Variants in DCDC2 observed in about 807,000 individuals in gnomAD.
DCDC2 encodes doublecortin domain-containing protein 2.
In DCDC2, 40 loss-of-function variants were observed where a neutral mutation model predicts 50.2. That is an observed-to-expected ratio of 0.80 (90% confidence interval 0.62 to 1.04). DCDC2 has a LOEUF of 1.04. Among genes scored for constraint, DCDC2 ranks in the 50% least tolerant of loss-of-function variants. The pLI is 0.00. For missense variants in DCDC2, 570 were observed against 581.9 expected, an observed-to-expected ratio of 0.98 and a Z score of 0.21; for synonymous variants, 234 against 210.6, an observed-to-expected ratio of 1.11 and a Z score of -0.96.
chr6:24,337,631 C>CA (rs963561557), intron 2 of DCDC2, among the ~76,000 whole-genome samples: 8 of 151,544 alleles, frequency 5.3e-5, no homozygotes, highest in Non-Finnish European at 1.0e-4. Context: ...CCATCTCTAC[C>CA]AAAAAAATAT....
intron 6 of DCDC2, among the ~76,000 whole-genome samples, chr6:24,283,000 CATA>C (rs3840135): frequency 0.12 from 18,098 of 152,116 alleles, 1,068 homozygotes; most frequent in East Asian, 0.17. Flanking sequence ...CCGTAGAAAT[CATA>C]ATATTTGATC....
At position 24,214,044 on chromosome 6, in the gene DCDC2, CAAG is replaced by C. The variant is rs779905394; in HGVS notation, c.923-8945_923-8943del. Among the ~76,000 whole-genome samples the C allele has an allele frequency of 2.0e-5, 3 of 152,212 alleles. No individual in the cohort carries two copies. The South Asian group carries it at 6.2e-4, about 32-fold the overall frequency. On this transcript the variant is annotated intron_variant, in intron 7 of 9. Transcript: ENST00000378454. Reference sequence around the variant, plus strand: ...CTCAAATGGAAGCTCTTTACAGAAACAAGAATATCACAAGTCATATTTTTCTCT... The same window carrying C: ...CTCAAATGGAAGCTCTTTACAGAAACAATATCACAAGTCATATTTTTCTCT...
intron 7 of DCDC2, among the ~76,000 whole-genome samples, chr6:24,228,250 A>G (rs1762272215): frequency 6.6e-6 from 1 of 152,370 alleles, no homozygotes; most frequent in South Asian, 2.1e-4. Context: ...GCAAAAGGTT[A>G]CAGCAAATTT....
chr6:24,207,290 GACACACAC>G (rs145473567), intron 7 of DCDC2, among the ~76,000 whole-genome samples: 6 of 95,946 alleles, frequency 6.3e-5, no homozygotes, highest in Non-Finnish European at 1.3e-4. Flanking sequence ...CTCTCTCTCA[GACACACAC>G]ACACACACAG....
intron 2 of DCDC2, among the ~76,000 whole-genome samples, chr6:24,322,187 A>T (rs966791932): frequency 6.6e-6 from 1 of 152,140 alleles, no homozygotes; most frequent in African/African-American, 2.4e-5. Context: ...CTGAACAGGG[A>T]ACATAATTTC....
chr6:24,338,887 G>A (rs532466201), intron 2 of DCDC2, among the ~76,000 whole-genome samples: 21 of 152,042 alleles, frequency 1.4e-4, no homozygotes, highest in African/African-American at 3.9e-4. Context: ...CAGGTGATCC[G>A]CCCACCTCAG....
the DCDC2 span, among the ~76,000 whole-genome samples, chr6:24,379,025 C>T: frequency 2.0e-5 from 3 of 147,996 alleles, no homozygotes; most frequent in Admixed American, 2.0e-4. Flanking sequence ...CCCTTCCTTA[C>T]ACCATACACA....
At chr6:24,231,903 A>G (rs1762343160) in intron 7 of DCDC2, among the ~76,000 whole-genome samples, 2 of 152,086 alleles carry the variant, frequency 1.3e-5, no homozygotes, top group African/African-American at 4.8e-5. Flanking sequence ...AGTAGCTCTC[A>G]GGCAGAGAGA....
At chr6:24,212,954 A>T (rs1044435250) in intron 7 of DCDC2, among the ~76,000 whole-genome samples, 2 of 152,216 alleles carry the variant, frequency 1.3e-5, no homozygotes, top group Admixed American at 6.5e-5. Context: ...CTTTTCTGCA[A>T]CTAGGACAGC....
chr6:24,332,166 G>A (rs1759976417), intron 2 of DCDC2, among the ~76,000 whole-genome samples: 1 of 152,104 alleles, frequency 6.6e-6, no homozygotes, highest in African/African-American at 2.4e-5. Context: ...CAATATTTCT[G>A]GCTCACATTC....
intron 7 of DCDC2, among the ~76,000 whole-genome samples, chr6:24,220,919 C>CGAGCGAGCGAGAGAGTGAGCGAGA (rs1561895651): frequency 4.6e-5 from 2 of 43,608 alleles, no homozygotes; most frequent in Non-Finnish European, 1.1e-4. Context: ...AGTGAGCGAG[C>CGAGCGAGCGAGAGAGTGAGCGAGA]GAGCGAGAGC....
At chr6:24,229,781 T>C (rs1762301877) in intron 7 of DCDC2, among the ~76,000 whole-genome samples, 1 of 152,212 alleles carries the variant, frequency 6.6e-6, no homozygotes, top group South Asian at 2.1e-4. Context: ...TATTTTATAC[T>C]CACTTCCTTC....
intron 8 of DCDC2, among the ~76,000 whole-genome samples, chr6:24,196,766 G>A (rs1272698798): frequency 2.0e-5 from 3 of 152,088 alleles, no homozygotes; most frequent in Non-Finnish European, 2.9e-5. Context: ...ATAATTAAAC[G>A]AAAGAAATAA....
intron 7 of DCDC2, among the ~76,000 whole-genome samples, chr6:24,238,053 T>C (rs769366023): frequency 2.6e-5 from 3 of 117,106 alleles, no homozygotes; most frequent in Non-Finnish European, 5.1e-5. Flanking sequence ...AACCTGCACA[T>C]GTGCACCTGA....
At chr6:24,379,838 C>T in the DCDC2 span, among the ~76,000 whole-genome samples, 3 of 152,152 alleles carry the variant, frequency 2.0e-5, no homozygotes, top group African/African-American at 7.2e-5. Flanking sequence ...GGCACATATA[C>T]ACCATGGAAT....
the DCDC2 span, among the ~76,000 whole-genome samples, chr6:24,378,956 G>GAAAA: frequency 5.9e-5 from 4 of 67,424 alleles, no homozygotes; most frequent in African/African-American, 1.7e-4. Context: ...GTCTCATTTG[G>GAAAA]AAAAAAAAAA....
At chr6:24,275,847 C>CA (rs1419682803) in intron 7 of DCDC2, among the ~76,000 whole-genome samples, 2 of 143,454 alleles carry the variant, frequency 1.4e-5, no homozygotes, top group Non-Finnish European at 3.0e-5. Flanking sequence ...TCTACAAAAG[C>CA]AAAAATGCCA....
Position 24,193,412 on chromosome 6 carries a change from T to C in DCDC2, c.1023+11590A>G, listed in dbSNP as rs142029533. Among the ~76,000 whole-genome samples the C allele has an allele frequency of 1.0e-3, 158 of 152,248 alleles. 2 individuals are homozygous for C. Among genetic ancestry groups the C allele is most frequent in the African/African-American group, 3.6e-3 (151 of 41,550 alleles). On this transcript the variant is annotated intron_variant, in intron 8 of 9. Transcript: ENST00000378454. ...CAGATCTAGAGAACAACTTACCAGCTTGAGGCAGCTGACTGGAGGGATTGA... is the reference window on the plus strand; with the variant it reads ...CAGATCTAGAGAACAACTTACCAGCCTGAGGCAGCTGACTGGAGGGATTGA...
intron 2 of DCDC2, among the ~76,000 whole-genome samples, chr6:24,341,511 CTTT>C (rs34143809): frequency 7.8e-6 from 1 of 127,826 alleles, no homozygotes; most frequent in African/African-American, 3.7e-5. Flanking sequence ...AGAGACCTAC[CTTT>C]TTTTAAAAAA....
Sources: gnomAD v4.1 joint callset for allele counts (sites outside exome capture counted in the v4.1 genomes callset) on GRCh38, gnomAD v4.1.1 for gene constraint, MANE v1.5 for transcripts, NCBI Gene and HGNC (gene_info 2026-07-23, HGNC 2026-07-21) for gene names.